CEP63: variants seen among roughly 807,000 people sequenced by gnomAD.
The protein encoded by CEP63 is centrosomal protein 63, also known as centrosomal protein of 63 kDa.
CEP63 carries 84 observed loss-of-function variants against 89.1 expected under a neutral mutation model. The ratio of observed to expected loss-of-function variants is 0.94; its 90% CI spans 0.79 to 1.13. The LOEUF (loss-of-function observed/expected upper bound fraction) is 1.13. Ranked by LOEUF, CEP63 falls within the 50% of genes most tolerant of loss-of-function variation. The probability of loss-of-function intolerance (pLI) is 0.00; values close to 1 mark genes in which losing one functional copy is unlikely to be tolerated. For synonymous variants in CEP63, 267 were observed against 272.5 expected, an observed-to-expected ratio of 0.98 and a Z score of 0.20; for missense variants, 838 against 813.3, an observed-to-expected ratio of 1.03 and a Z score of -0.37.
the CEP63 span, chr3:134,604,607 A>AC: frequency 1.4e-6 from 1 of 736,060 alleles, no homozygotes; most frequent in Non-Finnish European, 2.2e-6. Flanking sequence ...CGGTGTTAAT[A>AC]CTTTCACCAC....
At chr3:134,622,917 C>T in the CEP63 span, among the ~76,000 whole-genome samples, 3 of 152,192 alleles carry the variant, frequency 2.0e-5, no homozygotes, top group Non-Finnish European at 4.4e-5. Flanking sequence ...CCAGGACTCA[C>T]CTGCTGACCA....
the CEP63 span, among the ~76,000 whole-genome samples, chr3:134,769,964 A>G: frequency 1.3e-5 from 2 of 152,262 alleles, no homozygotes; most frequent in Admixed American, 6.5e-5. Flanking sequence ...CTATCAGGCC[A>G]GCTCCTGTAT....
At chr3:134,555,639 G>C (rs1038684788) in intron 12 of CEP63, among the ~76,000 whole-genome samples, 2 of 152,100 alleles carry the variant, frequency 1.3e-5, no homozygotes, top group African/African-American at 4.8e-5. Context: ...CAAACAAATG[G>C]AAGAACATCC....
chr3:134,652,656 A>T, the CEP63 span, among the ~76,000 whole-genome samples: 1 of 148,176 alleles, frequency 6.7e-6, no homozygotes, highest in East Asian at 2.0e-4. Context: ...ACACACACAC[A>T]CGCGCGCGCG....
chr3:134,560,501 C>T (rs1020140897), intron 14 of CEP63, among the ~76,000 whole-genome samples: 11 of 152,136 alleles, frequency 7.2e-5, no homozygotes, highest in Admixed American at 7.2e-4. Flanking sequence ...CCTGCTTATG[C>T]GGAGGTGACC....
At chr3:134,537,440 G>T (rs1359974866) in intron 6 of CEP63, among the ~76,000 whole-genome samples, 172 bp downstream of exon 6, 1 of 152,006 alleles carries the variant, frequency 6.6e-6, no homozygotes. Context: ...CCTTCTTCCC[G>T]CCTGCCCTCA....
the CEP63 span, among the ~76,000 whole-genome samples, chr3:134,602,486 C>T: frequency 7.2e-5 from 11 of 152,290 alleles, no homozygotes; most frequent in African/African-American, 2.4e-4. Context: ...AAGCTGCTCT[C>T]GTGCAGCTGG....
the CEP63 span, among the ~76,000 whole-genome samples, chr3:134,671,042 A>G: frequency 6.6e-6 from 1 of 152,222 alleles, no homozygotes; most frequent in Non-Finnish European, 1.5e-5. Flanking sequence ...ACAACTTCAG[A>G]ATAGTGTTTC....
intron 1 of CEP63, among the ~76,000 whole-genome samples, chr3:134,490,982 T>C (rs1319351990): frequency 1.3e-5 from 2 of 152,234 alleles, no homozygotes; most frequent in African/African-American, 4.8e-5. Flanking sequence ...CCCCTCTTGA[T>C]AGACACTTGT....
the CEP63 span, among the ~76,000 whole-genome samples, chr3:134,765,506 G>A: frequency 6.6e-6 from 1 of 152,224 alleles, no homozygotes; most frequent in African/African-American, 2.4e-5. Context: ...AGGCATGTAG[G>A]GTCTCCTGGA....
At chr3:134,503,626 T>C (rs1220678478) in intron 2 of CEP63, among the ~76,000 whole-genome samples, 2 of 152,146 alleles carry the variant, frequency 1.3e-5, no homozygotes, top group Non-Finnish European at 2.9e-5. Context: ...CAATTATTAT[T>C]GTATTGGAGT....
the CEP63 span, among the ~76,000 whole-genome samples, chr3:134,682,505 C>T: frequency 6.6e-5 from 10 of 152,218 alleles, no homozygotes; most frequent in Non-Finnish European, 1.0e-4. Flanking sequence ...AGGGGGAGCC[C>T]GCTGTGTGAT....
chr3:134,698,201 G>A, the CEP63 span, among the ~76,000 whole-genome samples: 8 of 152,306 alleles, frequency 5.3e-5, no homozygotes, highest in African/African-American at 1.7e-4. Flanking sequence ...TTGTGTATCC[G>A]TGCAGAGATT....
At chr3:134,656,441 C>T in the CEP63 span, among the ~76,000 whole-genome samples, 2 of 152,172 alleles carry the variant, frequency 1.3e-5, no homozygotes, top group African/African-American at 4.8e-5. Flanking sequence ...GCTTCAGCTG[C>T]CCATCTGAGT....
chr3:134,586,997 T>A (rs1169435461), intron 10 of CEP63, among the ~76,000 whole-genome samples: 1 of 152,244 alleles, frequency 6.6e-6, no homozygotes, highest in African/African-American at 2.4e-5. Context: ...TATTGAAGGT[T>A]GTGCATGCAT....
At chr3:134,600,650 T>C in the CEP63 span, among the ~76,000 whole-genome samples, 5 of 152,174 alleles carry the variant, frequency 3.3e-5, no homozygotes, top group Admixed American at 1.3e-4. Context: ...ATCCTGAGAA[T>C]TGCAAGCAGA....
the CEP63 span, among the ~76,000 whole-genome samples, chr3:134,731,314 C>T: frequency 0.014 from 2,186 of 152,214 alleles, 56 homozygotes; most frequent in East Asian, 0.11. Flanking sequence ...CATATACATT[C>T]TTCTCAAGCA....
the CEP63 span, among the ~76,000 whole-genome samples, chr3:134,760,220 G>A: frequency 3.3e-5 from 5 of 151,884 alleles, no homozygotes; most frequent in African/African-American, 7.3e-5. Context: ...CACCACGCCC[G>A]GCTAATTTTT....
the CEP63 span, chr3:134,627,920 CT>C: frequency 2.4e-6 from 2 of 833,688 alleles, no homozygotes; most frequent in Non-Finnish European, 2.0e-6. Context: ...GACCCCTCCT[CT>C]TTACTCTCCT....
Sources: gnomAD v4.1 joint callset for allele counts (sites outside exome capture counted in the v4.1 genomes callset) on GRCh38, gnomAD v4.1.1 for gene constraint, MANE v1.5 for transcripts, NCBI Gene and HGNC (gene_info 2026-07-23, HGNC 2026-07-21) for gene names.